NFIB: variants seen among roughly 807,000 people sequenced by gnomAD.
NFIB encodes nuclear factor I B.
A neutral mutation model predicts 61.5 loss-of-function variants in NFIB; 11 were observed. The observed-to-expected ratio is 0.18, with a 90% CI of 0.11 to 0.30. The LOEUF (loss-of-function observed/expected upper bound fraction) is 0.30, where lower values mean the gene tolerates loss of function less well. Among genes scored for constraint, NFIB ranks in the 10% least tolerant of loss-of-function variants. The pLI is 1.00. For synonymous variants in NFIB, 260 were observed against 216.5 expected, an observed-to-expected ratio of 1.20 and a Z score of -1.76; for missense variants, 471 against 608.9, an observed-to-expected ratio of 0.77 and a Z score of 2.38.
At chr9:14,304,305 A>G (rs1487784958) in intron 2 of NFIB, among the ~76,000 whole-genome samples, 2 of 152,262 alleles carry the variant, frequency 1.3e-5, no homozygotes, top group South Asian at 2.1e-4. Context: ...TTGGTCAACA[A>G]TGAAACTTTA....
At chr9:14,306,398 GTGA>G (rs1031308461) in intron 2 of NFIB, among the ~76,000 whole-genome samples, 2 of 152,102 alleles carry the variant, frequency 1.3e-5, no homozygotes, top group African/African-American at 4.8e-5. Context: ...ACAATCAAAA[GTGA>G]TGATAGAAAT....
chr9:14,388,631 T>A (rs2061583580), intron 1 of NFIB, among the ~76,000 whole-genome samples: 1 of 152,038 alleles, frequency 6.6e-6, no homozygotes, highest in African/African-American at 2.4e-5. Flanking sequence ...AGTAAACATA[T>A]AAAAATTATG....
chr9:14,488,107 C>T, the NFIB span, among the ~76,000 whole-genome samples: 1 of 152,116 alleles, frequency 6.6e-6, no homozygotes, highest in Non-Finnish European at 1.5e-5. Context: ...GGCACGGTGG[C>T]TGGCTCGTGT....
the NFIB span, among the ~76,000 whole-genome samples, chr9:14,440,710 CA>C: frequency 1.3e-5 from 2 of 152,168 alleles, no homozygotes; most frequent in Non-Finnish European, 2.9e-5. Context: ...AGAGAGAAAC[CA>C]GGGAACTGGA....
chr9:14,359,908 A>G (rs2132941703), intron 1 of NFIB, among the ~76,000 whole-genome samples: 1 of 152,360 alleles, frequency 6.6e-6, no homozygotes, highest in South Asian at 2.1e-4. Context: ...GCATTGTTTA[A>G]GAAACTGGAT....
intron 1 of NFIB, among the ~76,000 whole-genome samples, chr9:14,392,447 A>C (rs1171148634): frequency 1.3e-5 from 2 of 152,208 alleles, no homozygotes; most frequent in Non-Finnish European, 2.9e-5. Context: ...AAGATTATAG[A>C]CTGGGCACAG....
At chr9:14,454,507 T>C in the NFIB span, among the ~76,000 whole-genome samples, 2 of 152,204 alleles carry the variant, frequency 1.3e-5, no homozygotes, top group African/African-American at 4.8e-5. Context: ...GAAAACAGGG[T>C]CTTTTAAGCC....
chr9:14,516,480 G>C, the NFIB span, among the ~76,000 whole-genome samples: 2 of 152,078 alleles, frequency 1.3e-5, no homozygotes, highest in Non-Finnish European at 2.9e-5. Flanking sequence ...TCAAAAAAAA[G>C]GCTTGGTTCT....
intron 1 of NFIB, among the ~76,000 whole-genome samples, chr9:14,335,403 C>G (rs1438836919): frequency 1.3e-5 from 2 of 152,192 alleles, no homozygotes; most frequent in Non-Finnish European, 2.9e-5. Context: ...TGTAGTGTAT[C>G]CCATTATCAC....
At chr9:14,401,385 A>C (rs1470854556), upstream of NFIB, among the ~76,000 whole-genome samples, 2 of 152,162 alleles carry the variant, frequency 1.3e-5, no homozygotes, top group Admixed American at 6.5e-5. Flanking sequence ...CCTTGCTTCC[A>C]ATCTCTGGGG....
the NFIB span, among the ~76,000 whole-genome samples, chr9:14,489,648 A>G: frequency 6.6e-6 from 1 of 152,140 alleles, no homozygotes; most frequent in Non-Finnish European, 1.5e-5. Context: ...TCGCTATTCA[A>G]ATTTTTTGTG....
chr9:14,254,984 C>T (rs2056073161), intron 2 of NFIB, among the ~76,000 whole-genome samples: 1 of 152,208 alleles, frequency 6.6e-6, no homozygotes. Context: ...AAATAACCTT[C>T]GCTAAGTCAG....
At chr9:14,453,240 A>G in the NFIB span, among the ~76,000 whole-genome samples, 2 of 152,370 alleles carry the variant, frequency 1.3e-5, no homozygotes, top group Non-Finnish European at 1.5e-5. Flanking sequence ...CAGTGTGTGT[A>G]ATGTATAACA....
At chr9:14,448,772 G>A in the NFIB span, among the ~76,000 whole-genome samples, 1 of 152,186 alleles carries the variant, frequency 6.6e-6, no homozygotes, top group South Asian at 2.1e-4. Flanking sequence ...TAAAGAACTT[G>A]TCATCCCATG....
intron 2 of NFIB, among the ~76,000 whole-genome samples, chr9:14,220,882 CA>C (rs1322770576): frequency 9.6e-5 from 14 of 145,220 alleles, no homozygotes; most frequent in African/African-American, 3.6e-4. Flanking sequence ...CACACACACA[CA>C]CACCACATCC....
intron 6 of NFIB, among the ~76,000 whole-genome samples, chr9:14,127,204 T>C (rs2039773682): frequency 1.3e-5 from 2 of 152,226 alleles, no homozygotes; most frequent in South Asian, 4.1e-4. Flanking sequence ...TAAGAGACTA[T>C]ACCATGCAGT....
At chr9:14,417,241 T>G in the NFIB span, among the ~76,000 whole-genome samples, 1 of 152,180 alleles carries the variant, frequency 6.6e-6, no homozygotes, top group Non-Finnish European at 1.5e-5. Flanking sequence ...TGTCTAGATA[T>G]GTTTAGGTAC....
chr9:14,322,799 G>A (rs2060694911), intron 1 of NFIB, among the ~76,000 whole-genome samples: 3 of 152,004 alleles, frequency 2.0e-5, no homozygotes, highest in Non-Finnish European at 4.4e-5. Context: ...GGGTGCGTGG[G>A]TAGCGGTGGG....
chr9:14,201,862 A>G (rs1212711579), intron 2 of NFIB, among the ~76,000 whole-genome samples: 1 of 151,934 alleles, frequency 6.6e-6, no homozygotes, highest in Admixed American at 6.6e-5. Flanking sequence ...CAATATTCTG[A>G]TTGTGACATA....
Sources: allele counts gnomAD v4.1 joint callset (sites outside exome capture counted in the v4.1 genomes callset), GRCh38; gene constraint gnomAD v4.1.1; transcripts MANE v1.5; gene names NCBI Gene and HGNC (gene_info 2026-07-23, HGNC 2026-07-21).